The following EFCAB6 variants were observed in gnomAD, a reference collection of about 807,000 sequenced individuals.
The protein encoded by EFCAB6 is EF-hand calcium binding domain 6, also known as EF-hand calcium-binding domain-containing protein 6.
EFCAB6 carries 156 observed loss-of-function variants against 169.8 expected under a neutral mutation model. That is an observed-to-expected ratio of 0.92 (90% confidence interval 0.81 to 1.05). EFCAB6 has a LOEUF of 1.05. Ranked by LOEUF, EFCAB6 falls within the 50% of genes least tolerant of loss-of-function variation. EFCAB6 has a pLI of 0.00. For missense variants in EFCAB6, 1,800 were observed against 1,829.1 expected, an observed-to-expected ratio of 0.98 and a Z score of 0.29; for synonymous variants, 698 against 676.4, an observed-to-expected ratio of 1.03 and a Z score of -0.50.
intron 5 of EFCAB6, among the ~76,000 whole-genome samples, chr22:43,764,205 T>C (rs1356815973): frequency 6.6e-6 from 1 of 152,020 alleles, no homozygotes. Flanking sequence ...CTTGCCCCCA[T>C]CCCTTCCCCC....
chr22:43,589,227 T>G (rs2051286427), intron 24 of EFCAB6, among the ~76,000 whole-genome samples: 1 of 133,194 alleles, frequency 7.5e-6, no homozygotes, highest in Non-Finnish European at 1.5e-5. Flanking sequence ...CCATCCTGGC[T>G]GACACGGTGT....
rs146937075 is a variant in EFCAB6 at position 43,812,282 on chromosome 22, G to T, written c.-259C>A. On this transcript the variant is annotated 5_prime_UTR_variant, in exon 1 of 32. Coordinates refer to ENST00000262726, the MANE Select transcript of EFCAB6 (RefSeq NM_022785.4). Reference sequence around the variant, plus strand: ...CGGCGTCTCTAGGACGCTGTTGCCCGAGAGACGACGGCAGTCGCTGACTGG... The same window carrying T: ...CGGCGTCTCTAGGACGCTGTTGCCCTAGAGACGACGGCAGTCGCTGACTGG... The T allele has an allele frequency of 0.024, 3,591 of 152,416 alleles. 64 individuals are homozygous for T. The highest frequency in any genetic ancestry group is 0.036 in the Non-Finnish European group (2,437 of 68,072). The allele number at this position is 152,416 out of a possible 1,614,324, so 9.4% of individuals were successfully genotyped here. A position where few individuals can be genotyped will look rare whatever the true frequency, so the allele number is the denominator to read the frequency against.
chr22:43,732,877 G>A (rs189877665), intron 7 of EFCAB6, among the ~76,000 whole-genome samples: 1 of 152,150 alleles, frequency 6.6e-6, no homozygotes, highest in Admixed American at 6.5e-5. Context: ...TCATTTCTGT[G>A]TTATCACATT....
intron 6 of EFCAB6, among the ~76,000 whole-genome samples, chr22:43,746,141 G>A (rs1017684462): frequency 2.0e-5 from 3 of 152,162 alleles, no homozygotes; most frequent in Non-Finnish European, 4.4e-5. Flanking sequence ...GCGGGGGCCG[G>A]GCATCGCTCA....
At chr22:43,579,750 G>A (rs2050589521) in intron 25 of EFCAB6, among the ~76,000 whole-genome samples, 1 of 149,882 alleles carries the variant, frequency 6.7e-6, no homozygotes, top group African/African-American at 2.5e-5. Flanking sequence ...CTACACACAG[G>A]CATCATTCCG....
At chr22:43,684,078 C>G (rs1458374343) in intron 11 of EFCAB6, among the ~76,000 whole-genome samples, 4 of 152,092 alleles carry the variant, frequency 2.6e-5, no homozygotes, top group Admixed American at 2.0e-4. Context: ...GGACCATCTC[C>G]TCTCCCCACG....
chr22:43,776,956 C>T (rs1187111187), intron 3 of EFCAB6, among the ~76,000 whole-genome samples: 1 of 152,126 alleles, frequency 6.6e-6, no homozygotes, highest in African/African-American at 2.4e-5. Context: ...GGAAGAGAGA[C>T]AAGAGAGGAG....
intron 25 of EFCAB6, 47 bp downstream of exon 25, chr22:43,580,417 T>G: frequency 6.3e-7 from 1 of 1,593,992 alleles, no homozygotes; most frequent in Non-Finnish European, 8.6e-7. Context: ...GGTGTTTTCA[T>G]GAATCAAGAT....
intron 27 of EFCAB6, among the ~76,000 whole-genome samples, chr22:43,541,384 T>C (rs1182823383): frequency 6.6e-6 from 1 of 152,224 alleles, no homozygotes; most frequent in Non-Finnish European, 1.5e-5. Context: ...TTTATCTTTT[T>C]ACTTTTTATT....
At chr22:43,585,565 G>A (rs981133915) in intron 24 of EFCAB6, among the ~76,000 whole-genome samples, 2 of 151,958 alleles carry the variant, frequency 1.3e-5, no homozygotes, top group Non-Finnish European at 2.9e-5. Flanking sequence ...CAAAACAAGA[G>A]AACAAACAAA....
In EFCAB6 at chr22:43,642,975, C is replaced by T. The variant is rs188735356; in HGVS notation, c.1984-7759G>A. ...CCTTGCAGGAAAACAGTGACAGCCA[C>T]GGTGTGCCTGATTACAGGTACACTT... On this transcript the variant is annotated intron_variant, in intron 17 of 31. Coordinates refer to ENST00000262726, the MANE Select transcript of EFCAB6 (RefSeq NM_022785.4). Among the ~76,000 whole-genome samples, 447 of 152,328 alleles carry T rather than the reference C, an allele frequency of 2.9e-3. 1 individual carries two copies. Among genetic ancestry groups the T allele is most frequent in the Non-Finnish European group, 4.2e-3 (286 of 68,026 alleles).
intron 12 of EFCAB6, among the ~76,000 whole-genome samples, chr22:43,678,483 G>A (rs567211613): frequency 6.6e-6 from 1 of 152,142 alleles, no homozygotes; most frequent in East Asian, 1.9e-4. Flanking sequence ...TTCCCCAGGG[G>A]CTTGAATGGC....
intron 22 of EFCAB6, among the ~76,000 whole-genome samples, chr22:43,604,374 G>C (rs566336828): frequency 2.8e-4 from 42 of 152,228 alleles, no homozygotes; most frequent in African/African-American, 1.0e-3. Context: ...CCAGTAAAAA[G>C]GGGGCTAGCC....
Position 43,702,089 on chromosome 22 carries a change from G to T in EFCAB6, c.1031+9386C>A, listed in dbSNP as rs554124062. ...CCAGCCTCACACACTACGAGAAACA[G>T]AAATTAAAACAATCACAAGGCACTA... On this transcript the variant is annotated intron_variant, in intron 10 of 31. Transcript: ENST00000262726. Among the ~76,000 whole-genome samples, 24 of 152,250 alleles carry T rather than the reference G, an allele frequency of 1.6e-4. No individual in the cohort carries two copies. In the South Asian group the frequency reaches 4.6e-3, roughly 29 times the overall value.
At chr22:43,592,463 T>C (rs765721166) in intron 23 of EFCAB6, among the ~76,000 whole-genome samples, 10 of 152,220 alleles carry the variant, frequency 6.6e-5, no homozygotes, top group Non-Finnish European at 1.0e-4. Flanking sequence ...AAACATTTTT[T>C]TGAGATACAT....
intron 15 of EFCAB6, among the ~76,000 whole-genome samples, chr22:43,670,810 G>C (rs1312436708): frequency 6.6e-6 from 1 of 152,196 alleles, no homozygotes; most frequent in African/African-American, 2.4e-5. Context: ...GGGCAAGAGA[G>C]GGCCCAGCGT....
rs139375204 is a variant in EFCAB6 at position 43,688,509 on chromosome 22, G to A, written c.1032-928C>T. ...ATTTCAGAGTTATAAGATTCCTGTG[G>A]GAGCAACCTGATGTGAGCATGGGTT... On this transcript the variant is annotated intron_variant, in intron 10 of 31. Coordinates refer to ENST00000262726, the MANE Select transcript of EFCAB6 (RefSeq NM_022785.4). 4.0e-4 allele frequency among the ~76,000 whole-genome samples: 61 copies of A among 152,256 alleles called. 1 individual carries two copies. Among genetic ancestry groups the A allele is most frequent in the South Asian group, 2.1e-4 (1 of 4,826 alleles).
Position 43,635,232 on chromosome 22 carries a change from G to A in EFCAB6, c.1984-16C>T, listed in dbSNP as rs1214543390. 6.3e-7 allele frequency: 1 copy of A among 1,596,738 alleles called. No individual in the cohort carries two copies. The highest frequency in any genetic ancestry group is 8.6e-7 in the Non-Finnish European group (1 of 1,164,484). On this transcript the variant is annotated splice_polypyrimidine_tract_variant and intron_variant, in intron 17 of 31. Coordinates refer to ENST00000262726, the MANE Select transcript of EFCAB6 (RefSeq NM_022785.4). ...CTTCCAGTACCTGACGAGGGAGACA[G>A]GGGAGGGTGGAGAGGCGTTAGGTGG...
chr22:43,674,383 C>T (rs749862187), intron 13 of EFCAB6, among the ~76,000 whole-genome samples: 3 of 152,160 alleles, frequency 2.0e-5, no homozygotes, highest in Non-Finnish European at 2.9e-5. Flanking sequence ...GAGACAGGAC[C>T]ACATCAGGCC....
Sources: allele counts gnomAD v4.1 joint callset (sites outside exome capture counted in the v4.1 genomes callset), GRCh38; gene constraint gnomAD v4.1.1; transcripts MANE v1.5; gene names NCBI Gene and HGNC (gene_info 2026-07-23, HGNC 2026-07-21).